MGAM2: variants seen among roughly 807,000 people sequenced by gnomAD.
MGAM2 encodes maltase-glucoamylase 2 (putative).
A neutral mutation model predicts 96.1 loss-of-function variants in MGAM2; 98 were observed. The observed-to-expected ratio is 1.02, with a 90% CI of 0.87 to 1.21. MGAM2 has a LOEUF of 1.21. MGAM2 is among the 50% of genes most tolerant of loss of function. MGAM2 has a pLI of 0.00. For synonymous variants in MGAM2, 749 were observed against 414.8 expected (o/e 1.81, Z -9.79); for missense variants, 2,055 against 1,182.4 (o/e 1.74, Z -10.82).
intron 17 of MGAM2, among the ~76,000 whole-genome samples, chr7:142,155,293 T>C (rs1795703805): frequency 6.6e-6 from 1 of 152,204 alleles, no homozygotes; most frequent in Non-Finnish European, 1.5e-5. Flanking sequence ...ATGAAGAGTT[T>C]GGAGGACTTG....
rs1282407988 is a variant in MGAM2, at chr7:142,185,085, A to G, written c.3933A>G (p.Pro1311=). 1 of 703,004 alleles carries G rather than the reference A, an allele frequency of 1.4e-6. No individual in the cohort carries two copies. Among genetic ancestry groups the G allele is most frequent in the Non-Finnish European group, 2.6e-6 (1 of 384,958 alleles). 43.5% of individuals were successfully genotyped at this position (703,004 alleles called of 1,614,324 possible). Residue 1311 remains proline, a synonymous_variant, in exon 34 of 48, where the codon CCA becomes CCG. Transcript: ENST00000477922. ...TNDIVWGKVW[P]DLPNVIVDGS... Reference sequence around the variant, plus strand: ...CCCTTCTTTTTCTCTAGGTTTGGCCAGATCTGCCTAATGTAATTGTAGATG... The same window carrying G: ...CCCTTCTTTTTCTCTAGGTTTGGCCGGATCTGCCTAATGTAATTGTAGATG...
intron 37 of MGAM2, among the ~76,000 whole-genome samples, chr7:142,195,747 T>C (rs531197285): frequency 6.6e-6 from 1 of 152,228 alleles, no homozygotes; most frequent in South Asian, 2.1e-4. Flanking sequence ...CCTTTCTAAC[T>C]TCTCTGAATC....
chr7:142,191,914 T>C (rs568915159), intron 37 of MGAM2, among the ~76,000 whole-genome samples: 4 of 152,332 alleles, frequency 2.6e-5, no homozygotes, highest in South Asian at 2.1e-4. Flanking sequence ...GTTTTTAATG[T>C]ATATGTTTTT....
At chr7:142,142,306 C>T (rs1795254121) in intron 12 of MGAM2, among the ~76,000 whole-genome samples, 1 of 152,018 alleles carries the variant, frequency 6.6e-6, no homozygotes, top group South Asian at 2.1e-4. Context: ...CATTTAGAGT[C>T]CATAGTCAAA....
chr7:142,117,607 G>A (rs571210278), intron 2 of MGAM2, among the ~76,000 whole-genome samples: 1 of 152,252 alleles, frequency 6.6e-6, no homozygotes, highest in Non-Finnish European at 1.5e-5. Flanking sequence ...GATGTGAATT[G>A]AACCTACAGT....
At chr7:142,140,708 G>T (rs1445929981) in intron 10 of MGAM2, 94 bp from the exon 11 acceptor site, 1 of 569,596 alleles carries the variant, frequency 1.8e-6, no homozygotes, top group African/African-American at 1.9e-5. Flanking sequence ...AGAAAATATG[G>T]TTTCATTTTC....
At chr7:142,163,275 T>G (rs1795941461) in intron 23 of MGAM2, among the ~76,000 whole-genome samples, 1 of 152,154 alleles carries the variant, frequency 6.6e-6, no homozygotes, top group African/African-American at 2.4e-5. Flanking sequence ...GAACATAAGT[T>G]TGTTTTTTTG....
rs1287038899 is a variant in MGAM2 at position 142,148,201 on chromosome 7, TCAC to T, written c.1634+637_1634+639del. Among the ~76,000 whole-genome samples the T allele has an allele frequency of 1.3e-5, 2 of 151,156 alleles. No homozygotes were observed. The highest frequency in any genetic ancestry group is 4.9e-5 in the African/African-American group (2 of 41,026). ...ACCATTACTACCACCATTATTGCCA[TCAC>T]CACCACCATCACTACCACTACTATC... On this transcript the variant is annotated intron_variant, in intron 15 of 47. Transcript: ENST00000477922. The surrounding 1 kb of genome is among the most constrained non-coding windows in gnomAD (Gnocchi z 4.2).
At chr7:142,206,728 G>A (rs1173576439) in intron 45 of MGAM2, among the ~76,000 whole-genome samples, 3 of 152,170 alleles carry the variant, frequency 2.0e-5, no homozygotes, top group African/African-American at 4.8e-5. Context: ...TTTTTATGGA[G>A]AAGGTTTTTA....
intron 2 of MGAM2, among the ~76,000 whole-genome samples, chr7:142,118,223 T>C (rs1255652523): frequency 6.6e-6 from 1 of 152,156 alleles, no homozygotes; most frequent in South Asian, 2.1e-4. Flanking sequence ...TTCTGTGAAT[T>C]TGACTATTTT....
chr7:142,132,602 A>G (rs1322102307), intron 6 of MGAM2, among the ~76,000 whole-genome samples: 1 of 129,540 alleles, frequency 7.7e-6, no homozygotes, highest in East Asian at 2.2e-4. Context: ...TAATTTATAT[A>G]TTTAATACAT....
Position 142,148,526 on chromosome 7 carries a change from A to G in MGAM2, c.1634+953A>G, listed in dbSNP as rs990142822. ...TTCTGCAAATCATAACATCCTTTAT[A>G]TCTTGTCATGTAGATTGTTTACTTG... On this transcript the variant is annotated intron_variant, in intron 15 of 47. Transcript: ENST00000477922. This position sits in a 1 kb window ranked among gnomAD's most constrained non-coding sequence, Gnocchi z 4.2. Among the ~76,000 whole-genome samples, 6 of 152,254 alleles carry G rather than the reference A, an allele frequency of 3.9e-5. No homozygotes were observed. Among genetic ancestry groups the G allele is most frequent in the Non-Finnish European group, 8.8e-5 (6 of 68,038 alleles).
intron 15 of MGAM2, 48 bp downstream of exon 15, chr7:142,147,621 G>A (rs1349747450): frequency 1.2e-5 from 8 of 662,316 alleles, no homozygotes; most frequent in Non-Finnish European, 2.2e-5. Context: ...GAGGTGGGAG[G>A]TGGAGGTGGA....
chr7:142,125,184 A>T (rs1216382087), intron 3 of MGAM2, among the ~76,000 whole-genome samples: 1 of 152,214 alleles, frequency 6.6e-6, no homozygotes, highest in African/African-American at 2.4e-5. Context: ...AACATTGAAT[A>T]AAATACTAAT....
chr7:142,170,266 C>A, intron 27 of MGAM2, 37 bp downstream of exon 27: 1 of 667,420 alleles, frequency 1.5e-6, no homozygotes, highest in Non-Finnish European at 2.7e-6. Context: ...TAGAGTAGTT[C>A]TAGATTTAAT....
intron 36 of MGAM2, among the ~76,000 whole-genome samples, chr7:142,188,251 C>T (rs1440077950): frequency 1.3e-5 from 2 of 152,044 alleles, no homozygotes; most frequent in Non-Finnish European, 2.9e-5. Flanking sequence ...TTTGGTCATT[C>T]TGTGGTACAA....
intron 45 of MGAM2, among the ~76,000 whole-genome samples, 190 bp downstream of exon 45, chr7:142,200,158 G>C (rs1160066824): frequency 6.6e-6 from 1 of 152,130 alleles, no homozygotes; most frequent in Non-Finnish European, 1.5e-5. Context: ...ACTGGGTACA[G>C]TCCCCAGCTT....
At chr7:142,131,670 AGT>A (rs753958256) in intron 5 of MGAM2, 43 bp downstream of exon 5, 115 of 699,262 alleles carry the variant, frequency 1.6e-4, no homozygotes, top group Non-Finnish European at 2.7e-4. Flanking sequence ...TGAAGAAAGC[AGT>A]GTGCTCACAT....
chr7:142,167,909 G>A (rs942860280), intron 26 of MGAM2, among the ~76,000 whole-genome samples: 4 of 152,138 alleles, frequency 2.6e-5, no homozygotes, highest in African/African-American at 4.8e-5. Context: ...TGTTATGGAT[G>A]AGGGAGCTAA....
Sources: allele counts gnomAD v4.1 joint callset (sites outside exome capture counted in the v4.1 genomes callset), GRCh38; gene constraint gnomAD v4.1.1; non-coding constraint Gnocchi (gnomAD v3.1); transcripts MANE v1.5; gene names NCBI Gene and HGNC (gene_info 2026-07-23, HGNC 2026-07-21).